BCOR: variants seen among roughly 807,000 people sequenced by gnomAD.
The protein encoded by BCOR is BCL6 corepressor.
A neutral mutation model predicts 86.7 loss-of-function variants in BCOR; 10 were observed. The ratio of observed to expected loss-of-function variants is 0.12; its 90% CI spans 0.07 to 0.20. BCOR has a LOEUF of 0.20. Ranked by LOEUF, BCOR falls within the 10% of genes least tolerant of loss-of-function variation. BCOR has a pLI of 1.00. For missense variants in BCOR, 1,259 were observed against 1,452.1 expected (o/e 0.87, Z 2.16); for synonymous variants, 611 against 609.0 (o/e 1.00, Z -0.05).
At chrX:40,093,823 G>A (rs1936721799) in intron 1 of BCOR, among the ~76,000 whole-genome samples, 2 of 111,616 alleles carry the variant, frequency 1.8e-5, no homozygotes, top group African/African-American at 3.3e-5. Context: ...TTGAACACCC[G>A]CATGAATTCT....
At chrX:40,083,547 G>A (rs1055639854) in intron 1 of BCOR, among the ~76,000 whole-genome samples, 7 of 112,175 alleles carry the variant, frequency 6.2e-5, no homozygotes, top group African/African-American at 1.9e-4. Context: ...AGAGCCACCT[G>A]GGCTGGGAGT....
intron 1 of BCOR, among the ~76,000 whole-genome samples, chrX:40,112,778 C>CT (rs1254216223): frequency 9.0e-6 from 1 of 111,406 alleles, no homozygotes; most frequent in Non-Finnish European, 1.9e-5. Flanking sequence ...AAATGCCAGG[C>CT]CTTGTAGCGG....
chrX:40,077,547 T>G (rs1416317236), intron 2 of BCOR: 4 of 336,355 alleles, frequency 1.2e-5, no homozygotes, highest in African/African-American at 1.0e-4. Flanking sequence ...CCCACACTCC[T>G]GACATTTAGA....
chrX:40,099,541 A>G (rs1377417150), upstream of BCOR, among the ~76,000 whole-genome samples: 1 of 112,303 alleles, frequency 8.9e-6, no homozygotes, highest in Non-Finnish European at 1.9e-5. Context: ...ATCCACACGG[A>G]AAGTTTTTAA....
intron 1 of BCOR, among the ~76,000 whole-genome samples, chrX:40,112,428 C>G (rs1937327145): frequency 8.9e-6 from 1 of 112,079 alleles, no homozygotes; most frequent in Admixed American, 9.5e-5. Flanking sequence ...CTTCAAAGTG[C>G]TTTCTATAAA....
At chrX:40,147,740 C>T (rs1938091553) in intron 1 of BCOR, among the ~76,000 whole-genome samples, 1 of 113,293 alleles carries the variant, frequency 8.8e-6, no homozygotes, top group Non-Finnish European at 1.9e-5. Context: ...GCAGCAGCCG[C>T]CCGAGTCCCG....
intron 1 of BCOR, among the ~76,000 whole-genome samples, chrX:40,154,525 G>C: frequency 9.1e-6 from 1 of 110,175 alleles, no homozygotes; most frequent in Non-Finnish European, 1.9e-5. Flanking sequence ...GGGAGCGAGC[G>C]AAGCCCGAGG....
chrX:40,119,228 A>G (rs1937444663), intron 1 of BCOR, among the ~76,000 whole-genome samples: 1 of 105,967 alleles, frequency 9.4e-6, no homozygotes. Context: ...TTCCATTTAC[A>G]TCTAGTTTGG....
chrX:40,060,036 C>G (rs1934792799), intron 10 of BCOR, among the ~76,000 whole-genome samples: 1 of 111,841 alleles, frequency 8.9e-6, no homozygotes, highest in South Asian at 3.7e-4. Context: ...CATGTGGTAT[C>G]TTTTTAGCTA....
At chrX:40,140,007 C>T (rs767460791) in intron 1 of BCOR, among the ~76,000 whole-genome samples, 18 of 110,145 alleles carry the variant, frequency 1.6e-4, no homozygotes, top group Non-Finnish European at 2.3e-4. Flanking sequence ...AACTTGATGT[C>T]ACCTGGGCGG....
At chrX:40,087,071 G>A (rs952740607) in intron 1 of BCOR, among the ~76,000 whole-genome samples, 3 of 113,469 alleles carry the variant, frequency 2.6e-5, no homozygotes, top group African/African-American at 9.6e-5. Flanking sequence ...AGGTTGTGGA[G>A]ACTCGCAGGG....
intron 1 of BCOR, among the ~76,000 whole-genome samples, chrX:40,137,479 C>T (rs1937705895): frequency 1.8e-5 from 2 of 109,318 alleles, no homozygotes; most frequent in Admixed American, 2.0e-4. Flanking sequence ...ACCCAGGAGG[C>T]GGAGGTTGCA....
At chrX:40,075,309 C>CTGGGTGGGGGGGG in intron 3 of BCOR, 129 bp from the exon 4 acceptor site, 1 of 241,155 alleles carries the variant, frequency 4.1e-6, no homozygotes, top group African/African-American at 3.0e-5. Flanking sequence ...AGACAGGCTT[C>CTGGGTGGGGGGGG]CGGCGGGGCG....
chrX:40,128,363 T>C (rs1937568960), intron 1 of BCOR, among the ~76,000 whole-genome samples: 1 of 112,035 alleles, frequency 8.9e-6, no homozygotes. Context: ...CTGGCCAACA[T>C]GGCAAAACCC....
intron 14 of BCOR, 140 bp downstream of exon 14, chrX:40,053,746 T>C: frequency 2.9e-6 from 2 of 684,980 alleles, no homozygotes; most frequent in Admixed American, 2.7e-5. Context: ...CTGGAAAATA[T>C]CTACTGCATT....
intron 1 of BCOR, among the ~76,000 whole-genome samples, chrX:40,143,493 C>T (rs945192568): frequency 8.9e-6 from 1 of 112,546 alleles, no homozygotes; most frequent in Non-Finnish European, 1.9e-5. Flanking sequence ...ATAATTAACA[C>T]GTCCTTTGAC....
intron 1 of BCOR, among the ~76,000 whole-genome samples, chrX:40,132,623 T>C (rs1270375318): frequency 8.9e-6 from 1 of 111,995 alleles, no homozygotes; most frequent in African/African-American, 3.2e-5. Context: ...ATTTGTTGCA[T>C]GGCACTAGTC....
chrX:40,060,398 G>T (rs1257784637), intron 10 of BCOR, among the ~76,000 whole-genome samples: 1 of 112,488 alleles, frequency 8.9e-6, no homozygotes, highest in Non-Finnish European at 1.9e-5. Flanking sequence ...ATGGATCAGT[G>T]TTCCTTAGTC....
At chrX:40,151,943 G>A in intron 1 of BCOR, among the ~76,000 whole-genome samples, 1 of 112,282 alleles carries the variant, frequency 8.9e-6, no homozygotes, top group Middle Eastern at 4.6e-3. Context: ...AGGCCGCGCT[G>A]GAGGCGCCAG....
Sources: gnomAD v4.1 joint callset for allele counts (sites outside exome capture counted in the v4.1 genomes callset) on GRCh38, gnomAD v4.1.1 for gene constraint, MANE v1.5 for transcripts, NCBI Gene and HGNC (gene_info 2026-07-23, HGNC 2026-07-21) for gene names.